NSUN2: variants seen among roughly 807,000 people sequenced by gnomAD.
NSUN2 encodes the protein NOP2/Sun RNA methyltransferase 2.
A neutral mutation model predicts 92.7 loss-of-function variants in NSUN2; 63 were observed. The observed-to-expected ratio is 0.68, with a 90% CI of 0.56 to 0.84. The LOEUF (loss-of-function observed/expected upper bound fraction) is 0.84. NSUN2 is among the 40% of genes least tolerant of loss of function. The pLI is 0.00. For synonymous variants in NSUN2, 356 were observed against 348.3 expected (o/e 1.02, Z -0.25); for missense variants, 989 against 964.9 (o/e 1.02, Z -0.33).
intron 3 of NSUN2, among the ~76,000 whole-genome samples, chr5:6,626,071 T>C (rs1737642602): frequency 6.6e-6 from 1 of 152,176 alleles, no homozygotes; most frequent in South Asian, 2.1e-4. Flanking sequence ...AGAATCAAAA[T>C]AATGCAGTGT....
chr5:6,623,120 A>T, intron 5 of NSUN2, 94 bp downstream of exon 5: 1 of 991,362 alleles, frequency 1.0e-6, no homozygotes. Context: ...AAAAAGGACT[A>T]ATTATATTAA....
intron 10 of NSUN2, 143 bp from the exon 11 acceptor site, chr5:6,611,228 A>G (rs1736975907): frequency 1.1e-6 from 1 of 871,572 alleles, no homozygotes; most frequent in South Asian, 2.6e-5. Flanking sequence ...TTGCCAAGAC[A>G]AAACAAAACA....
intron 12 of NSUN2, among the ~76,000 whole-genome samples, chr5:6,609,537 A>G (rs1394083693): frequency 1.3e-5 from 2 of 152,166 alleles, no homozygotes; most frequent in East Asian, 3.8e-4. Context: ...AGAGCCACAG[A>G]GCAATCTTTC....
intron 10 of NSUN2, 41 bp from the exon 11 acceptor site, chr5:6,611,126 C>T (rs1451669650): frequency 1.2e-6 from 2 of 1,607,378 alleles, no homozygotes; most frequent in South Asian, 1.1e-5. Context: ...CTAGCACTAT[C>T]CAATACCAAC....
At position 6,620,249 on chromosome 5, in the gene NSUN2, G is replaced by A. The variant is rs143593249; in HGVS notation, c.672C>T (p.Leu224=). Residue 224 remains leucine (L), a synonymous_variant, in exon 7 of 19, where the codon CTC becomes CTT. Transcript: ENST00000264670. The part of the protein sequence containing the change: ...NDVDNKRCYL[L]VHQAKRLSSP... ...TGCTCAGCCTCTTGGCTTGATGGAC[G>A]AGCAGGTAGCAGCGCTTGTTGTCCA... The A allele has an allele frequency of 2.7e-5, 44 of 1,609,950 alleles. No homozygotes were observed. The highest frequency in any genetic ancestry group is 2.1e-4 in the South Asian group (19 of 90,248).
intron 18 of NSUN2, among the ~76,000 whole-genome samples, chr5:6,601,666 G>A (rs1020131218): frequency 6.6e-6 from 1 of 152,060 alleles, no homozygotes; most frequent in Non-Finnish European, 1.5e-5. Flanking sequence ...CTCAGGATCT[G>A]CGCTTTGGTG....
intron 16 of NSUN2, 131 bp downstream of exon 16, chr5:6,604,474 G>GTT: frequency 1.0e-6 from 1 of 970,862 alleles, no homozygotes; most frequent in East Asian, 2.4e-5. Context: ...AACCTGTGAG[G>GTT]GTCAAGTGGC....
chr5:6,611,890 A>T (rs1737008720), intron 9 of NSUN2, 92 bp from the exon 10 acceptor site: 5 of 1,084,816 alleles, frequency 4.6e-6, no homozygotes, highest in Middle Eastern at 4.0e-4. Flanking sequence ...ATCACATATT[A>T]TATGATTCCA....
Position 6,632,979 on chromosome 5 carries a change from TAGCCCA to T in NSUN2, c.-6_-1del, listed in dbSNP as rs1300770264. 6.8e-7 allele frequency: 1 copy of T among 1,467,906 alleles called. No homozygotes were observed. Among genetic ancestry groups the T allele is most frequent in the South Asian group, 1.3e-5 (1 of 74,930 alleles). 90.9% of individuals were successfully genotyped at this position (1,467,906 alleles called of 1,614,324 possible). A position where few individuals can be genotyped will look rare whatever the true frequency, so the allele number is the denominator to read the frequency against. Reference sequence around the variant, plus strand: ...CGCCGACCCCGCGACCGCCGCCCCATAGCCCACGCGGCCGCGCACGCAGCACGCAGA... The same window carrying T: ...CGCCGACCCCGCGACCGCCGCCCCATCGCGGCCGCGCACGCAGCACGCAGA... On this transcript the variant is annotated 5_prime_UTR_variant, in exon 1 of 19. Transcript: ENST00000264670.
At chr5:6,607,492 C>G (rs750813212) in intron 12 of NSUN2, 108 bp from the exon 13 acceptor site, 39 of 954,540 alleles carry the variant, frequency 4.1e-5, no homozygotes, top group Non-Finnish European at 5.7e-5. Flanking sequence ...TATTTTTCTA[C>G]AGCATTATAT....
chr5:6,614,277 C>A (rs994773817), intron 9 of NSUN2, among the ~76,000 whole-genome samples: 11 of 151,978 alleles, frequency 7.2e-5, no homozygotes, highest in Non-Finnish European at 5.9e-5. Flanking sequence ...ATCAGAAAGA[C>A]CAATGAAAAT....
intron 3 of NSUN2, among the ~76,000 whole-genome samples, chr5:6,630,357 G>A (rs1367333126): frequency 6.6e-6 from 1 of 152,156 alleles, no homozygotes; most frequent in African/African-American, 2.4e-5. Flanking sequence ...CCAGGCTGGA[G>A]TGCAGTGGCA....
intron 6 of NSUN2, chr5:6,621,382 TG>T (rs112872161): frequency 1.3e-5 from 2 of 151,326 alleles, no homozygotes; most frequent in African/African-American, 4.9e-5. Flanking sequence ...TGAACAAAGG[TG>T]GGGGAAAGGG....
At position 6,628,223 on chromosome 5, in the gene NSUN2, A is replaced by G. The variant is rs540453664; in HGVS notation, c.360-2554T>C. Reference sequence around the variant, plus strand: ...AATAGCTGGGTATGGTGATGGGGGCATGTAATCCCAGCTACCTGGGACGCT... The same window carrying G: ...AATAGCTGGGTATGGTGATGGGGGCGTGTAATCCCAGCTACCTGGGACGCT... On this transcript the variant is annotated intron_variant, in intron 3 of 18. Coordinates refer to ENST00000264670, the MANE Select transcript of NSUN2 (RefSeq NM_017755.6). Among the ~76,000 whole-genome samples, 7 of 152,232 alleles carry G rather than the reference A, an allele frequency of 4.6e-5. No homozygotes were observed. The South Asian group carries it at 1.5e-3, about 32-fold the overall frequency.
chr5:6,610,669 G>A (rs1736948821), intron 11 of NSUN2, among the ~76,000 whole-genome samples: 1 of 141,080 alleles, frequency 7.1e-6, no homozygotes, highest in Non-Finnish European at 1.5e-5. Context: ...GGATGACAGA[G>A]TGAGACTCTC....
chr5:6,610,275 C>T (rs980058137), intron 11 of NSUN2, among the ~76,000 whole-genome samples: 1 of 151,738 alleles, frequency 6.6e-6, no homozygotes, highest in African/African-American at 2.4e-5. Context: ...TGGGGTCTTG[C>T]CATGTCGTCC....
rs1371769537 is a variant in NSUN2, at chr5:6,632,635, G to T, written c.218C>A (p.Pro73Gln). Residue 73 changes from proline (P) to glutamine (Q), a missense_variant, in exon 2 of 19, where the codon CCG becomes CAG. By Grantham distance (76) the Pro-to-Gln change is moderately conservative (BLOSUM62 -1). Transcript: ENST00000264670. ...WGQFMDALRE[P>Q]LPATLRITGY... ...AGTAATTCTTAAAGTGGCCGGGAGC[G>T]GCTCCCTGAGAGCGTCCATGAACTG... 6.2e-7 allele frequency: 1 copy of T among 1,614,172 alleles called. No homozygotes were observed.
At position 6,599,725 on chromosome 5, in the gene NSUN2, C is replaced by G; in HGVS notation, c.*201G>C. ...AATAAAACAAGTGATTTCTAACACGCTAAAAGAGTACATTTTCATCAGCTC... is the reference window on the plus strand; with the variant it reads ...AATAAAACAAGTGATTTCTAACACGGTAAAAGAGTACATTTTCATCAGCTC... On this transcript the variant is annotated 3_prime_UTR_variant, in exon 19 of 19. Transcript: ENST00000264670. 1 of 580,390 alleles carries G rather than the reference C, an allele frequency of 1.7e-6. No homozygotes were observed. The highest frequency in any genetic ancestry group is 3.0e-6 in the Non-Finnish European group (1 of 328,454). The allele number at this position is 580,390 out of a possible 1,614,324, so 36.0% of individuals were successfully genotyped here.
intron 15 of NSUN2, 185 bp from the exon 16 acceptor site, chr5:6,604,870 C>G: frequency 1.6e-6 from 1 of 617,928 alleles, no homozygotes; most frequent in African/African-American, 1.8e-5. Flanking sequence ...GTTTGGAGGA[C>G]AGTAAAGCAA....
Sources: allele counts gnomAD v4.1 joint callset (sites outside exome capture counted in the v4.1 genomes callset), GRCh38; gene constraint gnomAD v4.1.1; transcripts MANE v1.5; gene names NCBI Gene and HGNC (gene_info 2026-07-23, HGNC 2026-07-21).